NDUFAF2: variants seen among roughly 807,000 people sequenced by gnomAD.
The protein encoded by NDUFAF2 is NADH:ubiquinone oxidoreductase complex assembly factor 2.
A neutral mutation model predicts 22.8 loss-of-function variants in NDUFAF2; 13 were observed. The observed-to-expected ratio is 0.57, with a 90% CI of 0.37 to 0.91. The LOEUF is 0.91. Ranked by LOEUF, NDUFAF2 falls within the 40% of genes least tolerant of loss-of-function variation. The pLI is 0.01. For synonymous variants in NDUFAF2, 53 were observed against 64.2 expected (o/e 0.83, Z 0.84); for missense variants, 162 against 195.2 (o/e 0.83, Z 1.01).
At chr5:60,955,027 A>C (rs775081537) in intron 1 of NDUFAF2, among the ~76,000 whole-genome samples, 1 of 152,130 alleles carries the variant, frequency 6.6e-6, no homozygotes, top group Non-Finnish European at 1.5e-5. Context: ...CCTATTCCAT[A>C]GGTTGCCTTT....
intron 1 of NDUFAF2, among the ~76,000 whole-genome samples, chr5:61,020,373 C>A (rs1453357953): frequency 3.3e-5 from 5 of 151,968 alleles, no homozygotes; most frequent in Non-Finnish European, 5.9e-5. Context: ...TTTTTAGTTT[C>A]TTTGTTTTCT....
chr5:60,966,655 T>C (rs952281221), intron 1 of NDUFAF2, among the ~76,000 whole-genome samples: 1 of 152,142 alleles, frequency 6.6e-6, no homozygotes, highest in African/African-American at 2.4e-5. Context: ...TTGTAAAAAA[T>C]CTATTGATGG....
chr5:61,041,484 A>G (rs1297378949), intron 1 of NDUFAF2, among the ~76,000 whole-genome samples: 2 of 152,236 alleles, frequency 1.3e-5, no homozygotes, highest in East Asian at 1.9e-4. Context: ...CTTACAGGCT[A>G]AGAGAGACTT....
intron 1 of NDUFAF2, among the ~76,000 whole-genome samples, chr5:60,992,180 A>G (rs1561536605): frequency 6.6e-6 from 1 of 152,146 alleles, no homozygotes. Context: ...AGCTCTTCAT[A>G]TATACTCTGG....
intron 1 of NDUFAF2, among the ~76,000 whole-genome samples, chr5:61,005,782 G>T (rs1751358679): frequency 6.6e-6 from 1 of 152,096 alleles, no homozygotes; most frequent in Non-Finnish European, 1.5e-5. Context: ...ACTTGTTGAT[G>T]GGGTTGTTTG....
At chr5:61,144,718 A>G (rs572584221) in intron 3 of NDUFAF2, among the ~76,000 whole-genome samples, 20 of 152,294 alleles carry the variant, frequency 1.3e-4, no homozygotes, top group African/African-American at 4.8e-4. Flanking sequence ...TCTTCCAGTC[A>G]TGATAACTTC....
chr5:61,028,070 G>T (rs1468151568), intron 1 of NDUFAF2, among the ~76,000 whole-genome samples: 1 of 151,970 alleles, frequency 6.6e-6, no homozygotes, highest in Admixed American at 6.6e-5. Flanking sequence ...GTAGAAATGT[G>T]CAAAACTTAC....
intron 1 of NDUFAF2, among the ~76,000 whole-genome samples, chr5:60,959,788 A>G (rs1580067897): frequency 1.3e-5 from 2 of 152,102 alleles, no homozygotes; most frequent in South Asian, 2.1e-4. Context: ...TAATTTTCTG[A>G]TCTTCATTTT....
chr5:61,091,420 C>T (rs1752567630), intron 2 of NDUFAF2, among the ~76,000 whole-genome samples: 1 of 151,962 alleles, frequency 6.6e-6, no homozygotes, highest in African/African-American at 2.4e-5. Flanking sequence ...CTTTAACAAT[C>T]AGTAATGAGC....
At chr5:61,037,107 G>A (rs1580106492) in intron 1 of NDUFAF2, among the ~76,000 whole-genome samples, 1 of 152,158 alleles carries the variant, frequency 6.6e-6, no homozygotes, top group East Asian at 1.9e-4. Flanking sequence ...GCTCTCTTGT[G>A]TGGGAGAAGA....
chr5:61,151,152 A>G (rs534477806), intron 3 of NDUFAF2, among the ~76,000 whole-genome samples: 14 of 152,216 alleles, frequency 9.2e-5, no homozygotes, highest in Non-Finnish European at 1.3e-4. Flanking sequence ...CCCTTTAAGT[A>G]CAAACTATTA....
At position 60,945,304 on chromosome 5, in the gene NDUFAF2, A is replaced by G. The variant is rs772879291; in HGVS notation, c.49A>G (p.Arg17Gly). 2.5e-6 allele frequency: 4 copies of G among 1,613,840 alleles called. No individual in the cohort carries two copies. Among genetic ancestry groups the G allele is most frequent in the Non-Finnish European group, 3.4e-6 (4 of 1,179,982 alleles). ...LFRALWRSLS[R>G]EVKEHVGTDQ... Reference sequence around the variant, plus strand: ...CCGCGCCTTGTGGAGATCGCTGTCAAGGGAAGTGAAGGAGCACGTGGGCAC... The same window carrying G: ...CCGCGCCTTGTGGAGATCGCTGTCAGGGGAAGTGAAGGAGCACGTGGGCAC... Residue 17 changes from arginine (R) to glycine (G), a missense_variant, in exon 1 of 4, where the codon AGG becomes GGG. Transcript: ENST00000296597.
intron 3 of NDUFAF2, among the ~76,000 whole-genome samples, chr5:61,144,469 CAG>C (rs1310421836): frequency 5.3e-5 from 8 of 152,052 alleles, no homozygotes; most frequent in African/African-American, 1.9e-4. Flanking sequence ...TGTATAATAA[CAG>C]ATAATATTCC....
At chr5:60,956,322 C>T (rs918229814) in intron 1 of NDUFAF2, among the ~76,000 whole-genome samples, 2 of 152,130 alleles carry the variant, frequency 1.3e-5, no homozygotes, top group African/African-American at 4.8e-5. Flanking sequence ...GCTTCTTCCG[C>T]TCTAATTTGG....
chr5:61,137,239 C>T (rs921084602), intron 3 of NDUFAF2, among the ~76,000 whole-genome samples: 4 of 152,188 alleles, frequency 2.6e-5, no homozygotes, highest in Admixed American at 2.0e-4. Context: ...ACATATACTT[C>T]CAGATTTCCA....
intron 3 of NDUFAF2, among the ~76,000 whole-genome samples, chr5:61,127,221 G>T: frequency 6.6e-6 from 1 of 152,080 alleles, no homozygotes; most frequent in East Asian, 1.9e-4. Context: ...GAAGGAGCTG[G>T]TACCATTCCT....
intron 2 of NDUFAF2, among the ~76,000 whole-genome samples, chr5:61,090,581 T>C (rs1580129203): frequency 6.6e-6 from 1 of 152,232 alleles, no homozygotes; most frequent in East Asian, 1.9e-4. Context: ...ACTGAAGATA[T>C]ATTGCTGAAA....
intron 3 of NDUFAF2, among the ~76,000 whole-genome samples, chr5:61,117,605 C>T (rs1423519883): frequency 6.6e-6 from 1 of 152,092 alleles, no homozygotes; most frequent in Non-Finnish European, 1.5e-5. Flanking sequence ...ATCTTCCCAC[C>T]TCAGCCTCCC....
At chr5:60,965,703 C>G (rs1365929916) in intron 1 of NDUFAF2, among the ~76,000 whole-genome samples, 1 of 152,118 alleles carries the variant, frequency 6.6e-6, no homozygotes, top group Non-Finnish European at 1.5e-5. Context: ...AGATTTCCCT[C>G]TTTTTAAATG....
Sources: allele counts gnomAD v4.1 joint callset (sites outside exome capture counted in the v4.1 genomes callset), GRCh38; gene constraint gnomAD v4.1.1; transcripts MANE v1.5; gene names NCBI Gene and HGNC (gene_info 2026-07-23, HGNC 2026-07-21).